PTPRK: variants seen among roughly 807,000 people sequenced by gnomAD.
PTPRK encodes receptor-type tyrosine-protein phosphatase kappa.
Under a neutral mutation model 178.0 loss-of-function variants are expected in PTPRK, and 75 were observed. The ratio of observed to expected loss-of-function variants is 0.42; its 90% CI spans 0.35 to 0.51. PTPRK has a LOEUF of 0.51. Among genes scored for constraint, PTPRK ranks in the 20% least tolerant of loss-of-function variants. The pLI, the probability that PTPRK is intolerant of heterozygous loss-of-function variation, is 0.02. For missense variants in PTPRK, 1,441 were observed against 1,797.8 expected, an observed-to-expected ratio of 0.80 and a Z score of 3.59; for synonymous variants, 637 against 620.6, an observed-to-expected ratio of 1.03 and a Z score of -0.39.
intron 1 of PTPRK, among the ~76,000 whole-genome samples, chr6:128,511,252 T>A (rs1269708362): frequency 1.3e-5 from 2 of 152,192 alleles, no homozygotes; most frequent in Admixed American, 1.3e-4. Flanking sequence ...GATCACCTAG[T>A]GGTCCACAAC....
rs530971248 is a variant in PTPRK, at chr6:128,132,906, C to CT, written c.1163-42915_1163-42914insA. Among the ~76,000 whole-genome samples, 549 of 152,288 alleles carry CT rather than the reference C, an allele frequency of 3.6e-3. 5 individuals are homozygous for CT. The highest frequency in any genetic ancestry group is 0.012 in the African/African-American group (504 of 41,556). On this transcript the variant is annotated intron_variant, in intron 7 of 29. Transcript: ENST00000368226. Reference sequence around the variant, plus strand: ...CCCCATTTGAACATCTAGGTGTCAGCATCTTCCATTCTAGTTAGAGAACAA... The same window carrying CT: ...CCCCATTTGAACATCTAGGTGTCAGCTATCTTCCATTCTAGTTAGAGAACAA...
At chr6:128,029,176 C>T (rs368988564) in intron 13 of PTPRK, among the ~76,000 whole-genome samples, 1 of 152,048 alleles carries the variant, frequency 6.6e-6, no homozygotes, top group African/African-American at 2.4e-5. Context: ...CTTGTGAGAT[C>T]TGGTTGTTTA....
At chr6:128,410,045 T>C (rs896246319) in intron 1 of PTPRK, among the ~76,000 whole-genome samples, 3 of 152,192 alleles carry the variant, frequency 2.0e-5, no homozygotes, top group African/African-American at 7.2e-5. Context: ...CTCACCATTA[T>C]GATTAATTTT....
intron 3 of PTPRK, among the ~76,000 whole-genome samples, chr6:128,252,829 A>G (rs929401608): frequency 1.3e-5 from 2 of 152,226 alleles, no homozygotes; most frequent in African/African-American, 4.8e-5. Flanking sequence ...GAGGTTTCTC[A>G]TAAATGTTAG....
intron 15 of PTPRK, among the ~76,000 whole-genome samples, chr6:128,002,275 A>T (rs1777917570): frequency 6.6e-6 from 1 of 151,868 alleles, no homozygotes; most frequent in African/African-American, 2.4e-5. Flanking sequence ...AATATAAGTT[A>T]AAGTTTTTTG....
At chr6:128,295,147 G>A (rs1824085145) in intron 3 of PTPRK, among the ~76,000 whole-genome samples, 1 of 152,066 alleles carries the variant, frequency 6.6e-6, no homozygotes, top group Non-Finnish European at 1.5e-5. Context: ...TAAACTATGT[G>A]TCAACATATG....
intron 5 of PTPRK, chr6:128,238,185 C>CAAAAAAAAAAAAAAA (rs58051125): frequency 2.6e-4 from 54 of 206,436 alleles, no homozygotes; most frequent in South Asian, 5.3e-4. Flanking sequence ...TAGCAAACGC[C>CAAAAAAAAAAAAAAA]AAAAAAAAAA....
chr6:128,291,228 T>C (rs1419087421), intron 3 of PTPRK, among the ~76,000 whole-genome samples: 1 of 152,100 alleles, frequency 6.6e-6, no homozygotes, highest in African/African-American at 2.4e-5. Flanking sequence ...TCAACCCTGC[T>C]GTCGCTGGTC....
At chr6:128,340,022 C>G (rs564167460) in intron 2 of PTPRK, among the ~76,000 whole-genome samples, 1 of 151,992 alleles carries the variant, frequency 6.6e-6, no homozygotes, top group Non-Finnish European at 1.5e-5. Flanking sequence ...CAAAATAAAA[C>G]CAGTAAAAGA....
At chr6:128,081,170 T>C (rs964428641) in intron 10 of PTPRK, among the ~76,000 whole-genome samples, 2 of 152,066 alleles carry the variant, frequency 1.3e-5, no homozygotes, top group African/African-American at 4.8e-5. Context: ...AGAAAACCTA[T>C]CTCAGTGCAT....
intron 7 of PTPRK, among the ~76,000 whole-genome samples, chr6:128,165,048 G>T (rs976468832): frequency 1.3e-5 from 2 of 151,140 alleles, no homozygotes; most frequent in African/African-American, 4.8e-5. Context: ...ATGTTTGCAT[G>T]AAATTATATC....
At chr6:128,336,432 A>C (rs1830938876) in intron 2 of PTPRK, among the ~76,000 whole-genome samples, 1 of 152,192 alleles carries the variant, frequency 6.6e-6, no homozygotes, top group Non-Finnish European at 1.5e-5. Context: ...CCAACAATCA[A>C]GCACAGATGT....
At chr6:128,358,945 G>A (rs977401675) in intron 2 of PTPRK, among the ~76,000 whole-genome samples, 4 of 152,192 alleles carry the variant, frequency 2.6e-5, no homozygotes, top group African/African-American at 9.7e-5. Flanking sequence ...TGGGGAGAAT[G>A]ATATACATGG....
chr6:128,234,414 C>T (rs1404401581), intron 5 of PTPRK, among the ~76,000 whole-genome samples: 1 of 152,158 alleles, frequency 6.6e-6, no homozygotes, highest in Non-Finnish European at 1.5e-5. Flanking sequence ...ACTCATAGAT[C>T]AAGACCCCAG....
chr6:128,282,448 T>G (rs1380160190), intron 3 of PTPRK, among the ~76,000 whole-genome samples: 1 of 152,152 alleles, frequency 6.6e-6, no homozygotes, highest in Non-Finnish European at 1.5e-5. Flanking sequence ...AGTAGCTCAC[T>G]GCTCCCTGTC....
intron 16 of PTPRK, among the ~76,000 whole-genome samples, chr6:127,997,236 G>A (rs1205354542): frequency 6.6e-6 from 1 of 152,050 alleles, no homozygotes; most frequent in East Asian, 1.9e-4. Flanking sequence ...GACCTTGAAA[G>A]TATTTTAAAA....
At chr6:128,377,546 T>C (rs1837276398) in intron 2 of PTPRK, among the ~76,000 whole-genome samples, 1 of 152,140 alleles carries the variant, frequency 6.6e-6, no homozygotes, top group Admixed American at 6.6e-5. Context: ...TATATATTTG[T>C]TAAATGAATA....
chr6:128,241,228 A>G (rs528740823), intron 4 of PTPRK: 1 of 533,350 alleles, frequency 1.9e-6, no homozygotes, highest in South Asian at 1.4e-5. Context: ...CTTACCTCTC[A>G]GGAAGAGATT....
At chr6:128,392,491 T>C (rs1165483932) in intron 2 of PTPRK, among the ~76,000 whole-genome samples, 1 of 152,178 alleles carries the variant, frequency 6.6e-6, no homozygotes. Flanking sequence ...CAAAGATAAA[T>C]GTATTGAGAT....
Sources: allele counts gnomAD v4.1 joint callset (sites outside exome capture counted in the v4.1 genomes callset), GRCh38; gene constraint gnomAD v4.1.1; transcripts MANE v1.5; gene names NCBI Gene and HGNC (gene_info 2026-07-23, HGNC 2026-07-21).